The following COL4A4 variants were observed in gnomAD, a reference collection of about 807,000 sequenced individuals.
COL4A4 encodes the protein collagen type IV alpha 4 chain, also known as collagen alpha-4(IV) chain.
In COL4A4, 105 loss-of-function variants were observed where a neutral mutation model predicts 192.9. That is an observed-to-expected ratio of 0.54 (90% CI 0.46 to 0.64). The LOEUF (loss-of-function observed/expected upper bound fraction) is 0.64. Among genes scored for constraint, COL4A4 ranks in the 30% least tolerant of loss-of-function variants. The pLI, the probability that COL4A4 is intolerant of heterozygous loss-of-function variation, is 0.00. For missense variants in COL4A4, 1,967 were observed against 2,169.3 expected (o/e 0.91, Z 1.85); for synonymous variants, 762 against 769.9 (o/e 0.99, Z 0.17).
the COL4A4 span, among the ~76,000 whole-genome samples, chr2:226,986,418 A>G: frequency 6.6e-6 from 1 of 152,252 alleles, no homozygotes; most frequent in Admixed American, 6.5e-5. Context: ...ACTTGTCTGC[A>G]GTATCTTTGC....
intron 4 of COL4A4, among the ~76,000 whole-genome samples, chr2:227,128,935 C>T (rs1354397684): frequency 6.6e-6 from 1 of 152,114 alleles, no homozygotes; most frequent in East Asian, 1.9e-4. Flanking sequence ...CCTGCAGTTT[C>T]CACACCCCCA....
rs532879143 is a variant in COL4A4 at position 227,031,890 on chromosome 2, C to T, written c.3817+55G>A. Reference sequence around the variant, plus strand: ...TCTCTGGTCCCACATTCCTCCAGAGCTGGCAGCATCTAACAAAGGGAGCAC... The same window carrying T: ...TCTCTGGTCCCACATTCCTCCAGAGTTGGCAGCATCTAACAAAGGGAGCAC... On this transcript the variant is annotated intron_variant, in intron 40 of 47. Transcript: ENST00000396625. 2.4e-6 allele frequency: 3 copies of T among 1,249,136 alleles called. No homozygotes were observed. In the African/African-American group the frequency reaches 4.4e-5, roughly 18 times the overall value. 77.4% of individuals were successfully genotyped at this position (1,249,136 alleles called of 1,614,324 possible). A position where few individuals can be genotyped will look rare whatever the true frequency, so the allele number is the denominator to read the frequency against.
chr2:227,011,555 A>G (rs1349574922), intron 45 of COL4A4, among the ~76,000 whole-genome samples: 1 of 152,206 alleles, frequency 6.6e-6, no homozygotes, highest in African/African-American at 2.4e-5. Flanking sequence ...ATCCCTGGCC[A>G]GGGACTCTCT....
chr2:227,007,771 T>C (rs1025554555), intron 47 of COL4A4, among the ~76,000 whole-genome samples, 183 bp from the exon 48 acceptor site: 3 of 152,186 alleles, frequency 2.0e-5, no homozygotes, highest in Non-Finnish European at 4.4e-5. Flanking sequence ...ACAAATTGGC[T>C]CCAGTTTCAC....
Position 227,045,901 on chromosome 2 carries a change from G to GTA in COL4A4, c.3289+1572_3289+1573dup, listed in dbSNP as rs1319276266. ...ATATATATGTATATATATTTAGATA[G>GTA]TATATATATGTATGTATATGTATAT... is the stretch of plus-strand genomic sequence containing the variant. On this transcript the variant is annotated intron_variant, in intron 35 of 47. Transcript: ENST00000396625. 8.4e-5 allele frequency among the ~76,000 whole-genome samples: 6 copies of GTA among 71,544 alleles called. 1 individual carries two copies. The South Asian group carries it at 3.5e-3, about 42-fold the overall frequency. The allele number at this position is 71,544 out of a possible 152,430, so 46.9% of individuals were successfully genotyped here. A position where few individuals can be genotyped will look rare whatever the true frequency, so the allele number is the denominator to read the frequency against.
At chr2:227,008,454 C>T (rs1475865701) in intron 46 of COL4A4, 150 bp from the exon 47 acceptor site, 1 of 890,062 alleles carries the variant, frequency 1.1e-6, no homozygotes. Flanking sequence ...GAAGCCATTT[C>T]TGACACCTCC....
At chr2:227,133,262 T>G (rs576210803) in intron 4 of COL4A4, among the ~76,000 whole-genome samples, 1 of 152,334 alleles carries the variant, frequency 6.6e-6, no homozygotes, top group African/African-American at 2.4e-5. Context: ...AAAACTGCCT[T>G]CAGACCCAAA....
Position 227,147,581 on chromosome 2 carries a change from G to A in COL4A4, c.-98C>T. ...GGTTCTGTGTTCTGGGTCAAAGTCT[G>A]TTCCTGTTAGATATAAATATATCAC... is the stretch of plus-strand genomic sequence containing the variant. On this transcript the variant is annotated 5_prime_UTR_variant, in exon 2 of 48. Transcript: ENST00000396625. The A allele has an allele frequency of 2.1e-6, 2 of 967,536 alleles. No individual in the cohort carries two copies. Among genetic ancestry groups the A allele is most frequent in the Non-Finnish European group, 3.3e-6 (2 of 599,878 alleles). 59.9% of individuals were successfully genotyped at this position (967,536 alleles called of 1,614,324 possible).
intron 45 of COL4A4, among the ~76,000 whole-genome samples, chr2:227,011,451 CT>C (rs1336300840): frequency 6.6e-6 from 1 of 152,194 alleles, no homozygotes; most frequent in Non-Finnish European, 1.5e-5. Context: ...TGGAGCTGCG[CT>C]GCAGCTTTTA....
rs778200765 is a variant in COL4A4, at chr2:227,094,146, G to C, written c.1348C>G (p.Gln450Glu). Residue 450 changes from glutamine (Q) to glutamate (E), a missense_variant, in exon 20 of 48, where the codon CAG becomes GAG. By Grantham distance (29) the Gln-to-Glu change is conservative. Coordinates refer to ENST00000396625, the MANE Select transcript of COL4A4 (RefSeq NM_000092.5). ...TTACCACTTGATCCTGGGAGGCCCT[G>C]CAGGCCTGGTGCTCCAGGCAAGCCA... ...SPGLPGAPGL[Q>E]GLPGSSVIYC... is the part of the protein sequence containing the mutation. 12 of 1,613,634 alleles carry C rather than the reference G, an allele frequency of 7.4e-6. No individual in the cohort carries two copies. Among genetic ancestry groups the C allele is most frequent in the Middle Eastern group, 3.3e-4 (2 of 6,062 alleles).
chr2:227,059,756 C>G (rs1976424227), intron 27 of COL4A4, 133 bp from the exon 28 acceptor site: 1 of 758,588 alleles, frequency 1.3e-6, no homozygotes, highest in African/African-American at 1.8e-5. Context: ...AGCAGTTTAA[C>G]AGTAATGTTG....
At chr2:227,124,426 A>T (rs2061973305) in intron 4 of COL4A4, among the ~76,000 whole-genome samples, 1 of 152,250 alleles carries the variant, frequency 6.6e-6, no homozygotes, top group Non-Finnish European at 1.5e-5. Context: ...CATTAACTCG[A>T]CAAACATGAT....
At position 227,045,819 on chromosome 2, in the gene COL4A4, CAT is replaced by C. The variant is rs1162059473; in HGVS notation, c.3289+1654_3289+1655del. Among the ~76,000 whole-genome samples, 15 of 34,266 alleles carry C rather than the reference CAT, an allele frequency of 4.4e-4. 2 individuals carry two copies. Among genetic ancestry groups the C allele is most frequent in the Admixed American group, 8.7e-4 (3 of 3,440 alleles). 22.5% of individuals were successfully genotyped at this position (34,266 alleles called of 152,430 possible). ...ATATACACATATATATATATATACA[CAT>C]ATATATATATACACACATATATATA... is the stretch of plus-strand genomic sequence containing the variant. On this transcript the variant is annotated intron_variant, in intron 35 of 47. Transcript: ENST00000396625.
chr2:227,008,204 G>C lies in COL4A4; in HGVS notation c.4623C>G (p.Tyr1541Ter), dbSNP rs891854419. The C allele has an allele frequency of 6.2e-7, 1 of 1,614,122 alleles. No individual in the cohort carries two copies. The highest frequency in any genetic ancestry group is 1.3e-5 in the African/African-American group (1 of 74,946). Residue 1541 changes from tyrosine to a stop codon, truncating the protein, a stop_gained, in exon 47 of 48, where the codon TAC becomes TAG. Transcript: ENST00000396625. LOFTEE classifies it high-confidence loss of function. The part of the protein sequence containing the change: ...CHYAQRNDRS[Y>*]WLASAAPLPM... ...GGAGGGGCGCAGCGCTGGCCAGCCA[G>C]TAGGATCTGTCGTTTCTCTGGGCAT...
At chr2:227,151,650 C>G (rs1278467300) in intron 1 of COL4A4, among the ~76,000 whole-genome samples, 1 of 152,160 alleles carries the variant, frequency 6.6e-6, no homozygotes, top group Non-Finnish European at 1.5e-5. Context: ...ACCTCCAATT[C>G]GTAGGTTGCA....
intron 38 of COL4A4, 29 bp downstream of exon 38, chr2:227,033,381 A>C: frequency 6.4e-7 from 1 of 1,566,310 alleles, no homozygotes; most frequent in Non-Finnish European, 8.8e-7. Context: ...ACTGAAGCTC[A>C]GTCTGTTACG....
chr2:227,059,556 TGGGGGCCCAACAGGGGAG>T lies in COL4A4; in HGVS notation c.2214_2231del (p.Ser739_Pro744del). On this transcript the variant is annotated inframe_deletion, in exon 28 of 48. Transcript: ENST00000396625. ...TCACTCCTGGTGAGCCGGGAGGGCC[TGGGGGCCCAACAGGGGAG>T]GACCCCTTTTCACCTCCAAAACCCG... The T allele has an allele frequency of 6.2e-7, 1 of 1,614,070 alleles. No homozygotes were observed. The highest frequency in any genetic ancestry group is 8.5e-7 in the Non-Finnish European group (1 of 1,179,958).
chr2:227,048,638 C>T (rs963316378), intron 34 of COL4A4, among the ~76,000 whole-genome samples: 2 of 152,178 alleles, frequency 1.3e-5, no homozygotes, highest in Non-Finnish European at 2.9e-5. Context: ...AGAACTATGT[C>T]TCCTATCTGT....
chr2:227,128,115 G>C (rs1345608349), intron 4 of COL4A4, among the ~76,000 whole-genome samples: 1 of 152,088 alleles, frequency 6.6e-6, no homozygotes, highest in Non-Finnish European at 1.5e-5. Context: ...ATGAAGGAAG[G>C]TGTAACTTAT....
Sources: gnomAD v4.1 joint callset for allele counts (sites outside exome capture counted in the v4.1 genomes callset) on GRCh38, gnomAD v4.1.1 for gene constraint, MANE v1.5 for transcripts, NCBI Gene and HGNC (gene_info 2026-07-23, HGNC 2026-07-21) for gene names.